The following RARB variants were observed in gnomAD, a reference collection of about 807,000 sequenced individuals.
RARB encodes the protein retinoic acid receptor beta.
RARB carries 17 observed loss-of-function variants against 51.9 expected under a neutral mutation model. That is an observed-to-expected ratio of 0.33 (90% CI 0.22 to 0.49). The LOEUF (loss-of-function observed/expected upper bound fraction) is 0.49. Ranked by LOEUF, RARB falls within the 20% of genes least tolerant of loss-of-function variation. The pLI, the probability that RARB is intolerant of heterozygous loss-of-function variation, is 0.99. For synonymous variants in RARB, 215 were observed against 195.4 expected, an observed-to-expected ratio of 1.10 and a Z score of -0.84; for missense variants, 369 against 550.8, an observed-to-expected ratio of 0.67 and a Z score of 3.30.
chr3:25,445,090 C>T (rs1708870751), intron 1 of RARB, among the ~76,000 whole-genome samples: 1 of 152,020 alleles, frequency 6.6e-6, no homozygotes, highest in Non-Finnish European at 1.5e-5. Context: ...GCTGGGATTA[C>T]AAGCACACAT....
intron 2 of RARB, among the ~76,000 whole-genome samples, chr3:24,882,009 G>T (rs1703176324): frequency 6.6e-6 from 1 of 152,106 alleles, no homozygotes; most frequent in Non-Finnish European, 1.5e-5. Context: ...TAGATTATAT[G>T]AATATTGCCA....
chr3:25,525,852 G>C (rs1437004830), intron 3 of RARB, among the ~76,000 whole-genome samples: 1 of 152,140 alleles, frequency 6.6e-6, no homozygotes, highest in Non-Finnish European at 1.5e-5. Context: ...GGACCTAAAG[G>C]AAGTGAGCAA....
chr3:25,329,249 G>A (rs1704818444), intron 5 of RARB, among the ~76,000 whole-genome samples: 1 of 152,196 alleles, frequency 6.6e-6, no homozygotes, highest in South Asian at 2.1e-4. Flanking sequence ...TGACCCCCGA[G>A]TAGCCTAACG....
intron 1 of RARB, among the ~76,000 whole-genome samples, chr3:24,857,932 G>T (rs904196724): frequency 6.6e-6 from 1 of 152,000 alleles, no homozygotes; most frequent in Non-Finnish European, 1.5e-5. Context: ...CTGTCTCCCC[G>T]CCCCTCAACC....
intron 4 of RARB, among the ~76,000 whole-genome samples, chr3:25,172,850 C>G (rs1700670588): frequency 6.6e-6 from 1 of 152,114 alleles, no homozygotes; most frequent in African/African-American, 2.4e-5. Flanking sequence ...TTCATTTAAT[C>G]CTCACAATAC....
chr3:24,970,084 A>G (rs1164524071), intron 2 of RARB, among the ~76,000 whole-genome samples: 1 of 152,020 alleles, frequency 6.6e-6, no homozygotes, highest in Non-Finnish European at 1.5e-5. Context: ...TGATTAAATG[A>G]CTCAACTTTG....
rs548575194 is a variant in RARB at position 24,947,889 on chromosome 3, G to A, written c.-380+89137G>A. On this transcript the variant is annotated intron_variant, in intron 2 of 11. Coordinates refer to the RARB transcript ENST00000383772. ...TCATATCTGTAAAATATGTACCTCA[G>A]TAAGGTAGTTAAGAATAAGGCAAGG... Among the ~76,000 whole-genome samples, 61 of 152,006 alleles carry A rather than the reference G, an allele frequency of 4.0e-4. 1 individual carries two copies. The South Asian group carries it at 0.011, about 28-fold the overall frequency.
In RARB at chr3:25,146,495, TTTTGTTTGTTTG is replaced by T. The variant is rs372466913; in HGVS notation, c.-280+14295_-280+14306del. ...CCTGCAGGCTATAATTTGCTAAGTTTTTTGTTTGTTTGTTTGTTTTTTTTTTTTTGAGACAAG... is the reference window on the plus strand; with the variant it reads ...CCTGCAGGCTATAATTTGCTAAGTTTTTTGTTTTTTTTTTTTTGAGACAAG... On this transcript the variant is annotated intron_variant, in intron 4 of 11. Transcript: ENST00000383772. Among the ~76,000 whole-genome samples the T allele has an allele frequency of 1.5e-5, 2 of 129,372 alleles. 1 individual carries two copies. The highest frequency in any genetic ancestry group is 4.7e-4 in the East Asian group (2 of 4,296). 84.9% of individuals were successfully genotyped at this position (129,372 alleles called of 152,430 possible). A position where few individuals can be genotyped will look rare whatever the true frequency, so the allele number is the denominator to read the frequency against.
At chr3:25,132,443 C>T (rs1699968544) in intron 4 of RARB, among the ~76,000 whole-genome samples, 1 of 151,764 alleles carries the variant, frequency 6.6e-6, no homozygotes, top group South Asian at 2.1e-4. Flanking sequence ...GTGGCTTGCC[C>T]ATATTAACAC....
At chr3:25,302,565 A>AC (rs1704066342) in intron 5 of RARB, among the ~76,000 whole-genome samples, 1 of 152,242 alleles carries the variant, frequency 6.6e-6, no homozygotes, top group African/African-American at 2.4e-5. Flanking sequence ...GGCTAATGTA[A>AC]CAGAAAGTAG....
At chr3:24,835,396 G>C (rs1319392679) in intron 1 of RARB, among the ~76,000 whole-genome samples, 1 of 152,102 alleles carries the variant, frequency 6.6e-6, no homozygotes, top group Admixed American at 6.5e-5. Flanking sequence ...CTGAATTCAG[G>C]TACCATTTTG....
chr3:25,204,128 C>G (rs1559504157), intron 5 of RARB, among the ~76,000 whole-genome samples: 1 of 152,168 alleles, frequency 6.6e-6, no homozygotes, highest in Non-Finnish European at 1.5e-5. Context: ...TTGTTCATTT[C>G]TTTTTACTCT....
chr3:24,988,700 A>T (rs1364430166), intron 2 of RARB, among the ~76,000 whole-genome samples: 1 of 152,250 alleles, frequency 6.6e-6, no homozygotes, highest in Non-Finnish European at 1.5e-5. Context: ...GTATGCAATG[A>T]TATCAAATTA....
At chr3:25,549,727 A>T (rs945058463) in intron 3 of RARB, among the ~76,000 whole-genome samples, 8 of 152,304 alleles carry the variant, frequency 5.3e-5, no homozygotes, top group African/African-American at 1.9e-4. Flanking sequence ...GTGTGCTATG[A>T]GATGAGAAAA....
chr3:24,968,801 C>T (rs1696332239), intron 2 of RARB, among the ~76,000 whole-genome samples: 1 of 152,010 alleles, frequency 6.6e-6, no homozygotes, highest in Non-Finnish European at 1.5e-5. Flanking sequence ...GTGACTAAGC[C>T]CAGAGTCAGT....
At chr3:25,196,557 A>G (rs1435731642) in intron 5 of RARB, among the ~76,000 whole-genome samples, 3 of 152,274 alleles carry the variant, frequency 2.0e-5, no homozygotes, top group African/African-American at 7.2e-5. Context: ...TTATAGCAAC[A>G]TGATTTATAA....
At chr3:25,591,586 G>T (rs908893665) in intron 5 of RARB, among the ~76,000 whole-genome samples, 1 of 152,160 alleles carries the variant, frequency 6.6e-6, no homozygotes. Flanking sequence ...ATTCAGATTT[G>T]TTTCCCCAGC....
At position 25,199,347 on chromosome 3, in the gene RARB, G is replaced by A. The variant is rs559550215; in HGVS notation, c.178+24772G>A. ...TGGGGGAAGTGGGGATGGTTATTGG[G>A]TATAAAAATATAGTTAGAATGAATA... On this transcript the variant is annotated intron_variant, in intron 5 of 11. Transcript: ENST00000383772. Among the ~76,000 whole-genome samples, 6 of 152,002 alleles carry A rather than the reference G, an allele frequency of 3.9e-5. No homozygotes were observed. The East Asian group carries it at 1.2e-3, about 29-fold the overall frequency.
rs957596230 is a variant in RARB, at chr3:25,016,647, C to T, written c.-379-43478C>T. Among the ~76,000 whole-genome samples, 89 of 152,264 alleles carry T rather than the reference C, an allele frequency of 5.8e-4. 1 individual carries two copies. Among genetic ancestry groups the T allele is most frequent in the African/African-American group, 2.1e-3 (86 of 41,560 alleles). ...AAGTGTGCCAGAAATATAACTTTAT[C>T]TGGGGGAACGTAATTTCCATTGTGA... On this transcript the variant is annotated intron_variant, in intron 2 of 11. Coordinates refer to the RARB transcript ENST00000383772.
Sources: allele counts gnomAD v4.1 joint callset (sites outside exome capture counted in the v4.1 genomes callset), GRCh38; gene constraint gnomAD v4.1.1; transcripts MANE v1.5; gene names NCBI Gene and HGNC (gene_info 2026-07-23, HGNC 2026-07-21).